GTF2E2: variants seen among roughly 807,000 people sequenced by gnomAD.
The protein encoded by GTF2E2 is general transcription factor IIE subunit 2, also known as transcription initiation factor IIE subunit beta.
A neutral mutation model predicts 40.5 loss-of-function variants in GTF2E2; 21 were observed. The ratio of observed to expected loss-of-function variants is 0.52; its 90% CI spans 0.37 to 0.75. The LOEUF (loss-of-function observed/expected upper bound fraction) is 0.75. Ranked by LOEUF, GTF2E2 falls within the 30% of genes least tolerant of loss-of-function variation. GTF2E2 has a pLI of 0.00. For synonymous variants in GTF2E2, 117 were observed against 121.6 expected (o/e 0.96, Z 0.25); for missense variants, 298 against 338.4 (o/e 0.88, Z 0.94).
intron 6 of GTF2E2, among the ~76,000 whole-genome samples, chr8:30,605,896 A>T (rs1402629626): frequency 6.6e-6 from 1 of 152,176 alleles, no homozygotes; most frequent in Middle Eastern, 3.2e-3. Context: ...CCTAGCCTGA[A>T]GCGATCCTCC....
chr8:30,625,187 T>C (rs2151139254), intron 3 of GTF2E2, among the ~76,000 whole-genome samples: 1 of 152,280 alleles, frequency 6.6e-6, no homozygotes, highest in Middle Eastern at 3.4e-3. Context: ...GTCCCATCAA[T>C]ACCTAATTTA....
chr8:30,580,911 G>A (rs766913482), intron 6 of GTF2E2, among the ~76,000 whole-genome samples: 2 of 152,124 alleles, frequency 1.3e-5, no homozygotes, highest in African/African-American at 2.4e-5. Flanking sequence ...AGGGAAAGGG[G>A]GGATGGCTGA....
intron 2 of GTF2E2, among the ~76,000 whole-genome samples, chr8:30,635,907 T>C (rs539486176): frequency 7.2e-5 from 11 of 152,170 alleles, no homozygotes; most frequent in South Asian, 4.1e-4. Flanking sequence ...TGGAAACTAA[T>C]AGAAAAAAGA....
In GTF2E2 at chr8:30,653,584, C is replaced by T; in HGVS notation, c.15G>A (p.Leu5=). Residue 5 remains leucine (L), a synonymous_variant, in exon 2 of 8, where the codon CTG becomes CTA. Transcript: ENST00000355904. MDPS[L]LRERELFKKR... is the part of the protein sequence containing the mutation. Reference sequence around the variant, plus strand: ...TTTTGAACAGCTCCCTTTCTCTCAACAGGCTTGGATCCATAATGCTACAAA... The same window carrying T: ...TTTTGAACAGCTCCCTTTCTCTCAATAGGCTTGGATCCATAATGCTACAAA... 6.2e-7 allele frequency: 1 copy of T among 1,612,910 alleles called. No individual in the cohort carries two copies. The highest frequency in any genetic ancestry group is 8.5e-7 in the Non-Finnish European group (1 of 1,179,410).
intron 6 of GTF2E2, among the ~76,000 whole-genome samples, chr8:30,598,548 C>T (rs955164012): frequency 6.6e-6 from 1 of 152,254 alleles, no homozygotes. Context: ...TTCAATAAAA[C>T]ATTTATACTT....
intron 3 of GTF2E2, among the ~76,000 whole-genome samples, chr8:30,616,997 AGG>A (rs1458625834): frequency 6.6e-6 from 1 of 152,150 alleles, no homozygotes; most frequent in Non-Finnish European, 1.5e-5. Context: ...AAAGCACAAG[AGG>A]GGAGAAAATG....
At chr8:30,581,411 C>A (rs1477739361) in intron 6 of GTF2E2, among the ~76,000 whole-genome samples, 1 of 152,142 alleles carries the variant, frequency 6.6e-6, no homozygotes, top group Non-Finnish European at 1.5e-5. Context: ...TTTCCTTTTC[C>A]CCTTTTCCTT....
At chr8:30,593,757 C>G (rs975026052) in intron 6 of GTF2E2, among the ~76,000 whole-genome samples, 2 of 152,204 alleles carry the variant, frequency 1.3e-5, no homozygotes, top group African/African-American at 2.4e-5. Context: ...GCTGGGATCA[C>G]AGGTGTTAGC....
intron 5 of GTF2E2, among the ~76,000 whole-genome samples, chr8:30,609,760 G>A (rs913884454): frequency 7.9e-5 from 12 of 152,126 alleles, no homozygotes; most frequent in East Asian, 1.9e-4. Context: ...CCTGGTGGGC[G>A]GTGACTGGTA....
chr8:30,605,510 C>T (rs1829294983), intron 6 of GTF2E2, among the ~76,000 whole-genome samples: 2 of 152,058 alleles, frequency 1.3e-5, no homozygotes, highest in Admixed American at 1.3e-4. Flanking sequence ...TTAGTATAGG[C>T]TCTTACTCTC....
At chr8:30,618,489 C>T (rs1437431379) in intron 3 of GTF2E2, among the ~76,000 whole-genome samples, 1 of 152,062 alleles carries the variant, frequency 6.6e-6, no homozygotes, top group East Asian at 1.9e-4. Flanking sequence ...CATGCATGGC[C>T]TCGCTCATTC....
rs1801054848 is a variant in GTF2E2 at position 30,620,271 on chromosome 8, CA to C, written c.259-5557del. Among the ~76,000 whole-genome samples, 3 of 150,882 alleles carry C rather than the reference CA, an allele frequency of 2.0e-5. No homozygotes were observed. The South Asian group carries it at 6.3e-4, about 31-fold the overall frequency. On this transcript the variant is annotated intron_variant, in intron 3 of 7. Transcript: ENST00000355904. ...ACACACACACACAAACACACACACA[CA>C]CGTATACATACACACATTCATTCCT...
Position 30,623,553 on chromosome 8 carries a change from A to G in GTF2E2, c.259-8838T>C, listed in dbSNP as rs527721979. 2.8e-4 allele frequency among the ~76,000 whole-genome samples: 42 copies of G among 152,180 alleles called. 1 individual carries two copies. In the South Asian group the frequency reaches 8.7e-3, roughly 32 times the overall value. On this transcript the variant is annotated intron_variant, in intron 3 of 7. Transcript: ENST00000355904. Reference sequence around the variant, plus strand: ...CCCAGTAATGGGATGGCTGGGTCAAATGGTATTTCTAGTTCTAGATCCCTG... The same window carrying G: ...CCCAGTAATGGGATGGCTGGGTCAAGTGGTATTTCTAGTTCTAGATCCCTG...
At chr8:30,621,878 A>C (rs970842716) in intron 3 of GTF2E2, among the ~76,000 whole-genome samples, 1 of 151,998 alleles carries the variant, frequency 6.6e-6, no homozygotes, top group African/African-American at 2.4e-5. Context: ...AAGGTGTGAC[A>C]ATTTGGTATC....
Position 30,579,043 on chromosome 8 carries a change from G to A in GTF2E2, c.760-6C>T. On this transcript the variant is annotated splice_region_variant and splice_polypyrimidine_tract_variant and intron_variant, in intron 7 of 7. Coordinates refer to ENST00000355904, the MANE Select transcript of GTF2E2 (RefSeq NM_002095.6). ...TTCCTTCTCTGAATAGGGGCCTAAA[G>A]GAAAAGGTAAAAACAATTAGAAACA... 1 of 1,456,334 alleles carries A rather than the reference G, an allele frequency of 6.9e-7. No homozygotes were observed. Among genetic ancestry groups the A allele is most frequent in the African/African-American group, 1.4e-5 (1 of 71,952 alleles). The allele number at this position is 1,456,334 out of a possible 1,614,324, so 90.2% of individuals were successfully genotyped here.
At chr8:30,580,933 T>C (rs1207582944) in intron 6 of GTF2E2, among the ~76,000 whole-genome samples, 2 of 152,180 alleles carry the variant, frequency 1.3e-5, no homozygotes, top group Admixed American at 1.3e-4. Context: ...ATAGAAACAC[T>C]GTCTCACCTC....
chr8:30,590,473 T>C lies in GTF2E2; in HGVS notation c.644-10077A>G, dbSNP rs138910890. 1.3e-4 allele frequency among the ~76,000 whole-genome samples: 20 copies of C among 152,276 alleles called. No homozygotes were observed. The East Asian group carries it at 3.9e-3, about 29-fold the overall frequency. On this transcript the variant is annotated intron_variant, in intron 6 of 7. Transcript: ENST00000355904. The stretch of plus-strand genomic sequence containing the variant: ...GGTTATACAGTAGTATATATTACAA[T>C]GTAGAGATCTATACCTACTATTTAG...
At chr8:30,601,572 G>A (rs1829181995) in intron 6 of GTF2E2, among the ~76,000 whole-genome samples, 1 of 152,082 alleles carries the variant, frequency 6.6e-6, no homozygotes, top group Non-Finnish European at 1.5e-5. Context: ...AACCCCAAAT[G>A]TTAACACTGC....
chr8:30,591,671 T>G (rs1828856036), intron 6 of GTF2E2, among the ~76,000 whole-genome samples: 1 of 152,150 alleles, frequency 6.6e-6, no homozygotes, highest in Admixed American at 6.5e-5. Context: ...CCTAAGTTGC[T>G]GGTGAGAATG....
Sources: gnomAD v4.1 joint callset for allele counts (sites outside exome capture counted in the v4.1 genomes callset) on GRCh38, gnomAD v4.1.1 for gene constraint, MANE v1.5 for transcripts, NCBI Gene and HGNC (gene_info 2026-07-23, HGNC 2026-07-21) for gene names.